LRPPRC: variants seen among roughly 807,000 people sequenced by gnomAD.
LRPPRC encodes leucine-rich PPR motif-containing protein, mitochondrial.
LRPPRC carries 120 observed loss-of-function variants against 180.3 expected under a neutral mutation model. That is an observed-to-expected ratio of 0.67 (90% CI 0.57 to 0.77). The LOEUF (loss-of-function observed/expected upper bound fraction) is 0.77, where lower values mean the gene tolerates loss of function less well. LRPPRC is among the 30% of genes least tolerant of loss of function. The pLI is 0.00. For synonymous variants in LRPPRC, 723 were observed against 600.0 expected (o/e 1.21, Z -3.00); for missense variants, 2,012 against 1,657.2 (o/e 1.21, Z -3.72).
chr2:43,915,232 TCACACACACA>T (rs375631611), intron 29 of LRPPRC, among the ~76,000 whole-genome samples: 1,349 of 51,398 alleles, frequency 0.026, 28 homozygotes, highest in Non-Finnish European at 0.036. Context: ...TCTCTCTCTC[TCACACACACA>T]CACACACACA....
At chr2:43,911,231 C>G (rs899093264) in intron 30 of LRPPRC, among the ~76,000 whole-genome samples, 2 of 151,580 alleles carry the variant, frequency 1.3e-5, no homozygotes, top group African/African-American at 4.8e-5. Context: ...AAAAACCCAA[C>G]AGTCCTAGTG....
At chr2:43,941,076 T>G (rs1034783436) in intron 23 of LRPPRC, among the ~76,000 whole-genome samples, 2 of 152,230 alleles carry the variant, frequency 1.3e-5, no homozygotes, top group African/African-American at 2.4e-5. Flanking sequence ...AACTTCTTTA[T>G]AATTTTCTAA....
chr2:43,899,758 C>T (rs1244184584), intron 32 of LRPPRC, 153 bp from the exon 33 acceptor site: 1 of 616,774 alleles, frequency 1.6e-6, no homozygotes, highest in Non-Finnish European at 2.9e-6. Flanking sequence ...CACTAGGCAA[C>T]TGAAACCCTG....
intron 3 of LRPPRC, among the ~76,000 whole-genome samples, chr2:43,977,587 G>A (rs1024157327): frequency 6.6e-6 from 1 of 152,118 alleles, no homozygotes; most frequent in Admixed American, 6.5e-5. Context: ...ATTTAAAAGT[G>A]ACTGTAAGAT....
chr2:43,927,954 G>C (rs1671949287), intron 25 of LRPPRC, among the ~76,000 whole-genome samples: 1 of 152,154 alleles, frequency 6.6e-6, no homozygotes, highest in Non-Finnish European at 1.5e-5. Context: ...CAAGTTGAAA[G>C]CAGAAATAGA....
In LRPPRC at chr2:43,948,483, T is replaced by C; in HGVS notation, c.1771A>G (p.Ser591Gly). The change falls in exon 17 of 38, where the codon AGC becomes GGC. Residue 591 changes from serine (S) to glycine (G), a missense_variant. By Grantham distance (56) the Ser-to-Gly change is moderately conservative. Transcript: ENST00000260665. ...GCCTGTACCTCTGAGTCACTCATGC[T>C]GTCAATCAAGTTATAAAGAAAATAG... Reference protein sequence around the residue: ...VGYFLYNLIDSMSDSEVQAKE... With the variant: ...VGYFLYNLIDGMSDSEVQAKE... The C allele has an allele frequency of 6.2e-7, 1 of 1,611,136 alleles. No homozygotes were observed. The highest frequency in any genetic ancestry group is 2.2e-5 in the East Asian group (1 of 44,858).
chr2:43,915,428 T>C (rs1446719533), intron 29 of LRPPRC, among the ~76,000 whole-genome samples: 1 of 152,146 alleles, frequency 6.6e-6, no homozygotes, highest in Non-Finnish European at 1.5e-5. Context: ...CTCACGCCTG[T>C]AATCCCAGCA....
At chr2:43,905,061 T>TC (rs759159721) in intron 31 of LRPPRC, among the ~76,000 whole-genome samples, 1 of 152,054 alleles carries the variant, frequency 6.6e-6, no homozygotes, top group Non-Finnish European at 1.5e-5. Flanking sequence ...ATCCCAATCC[T>TC]CCCCAAAGTC....
chr2:43,947,437 C>G (rs992365958), intron 19 of LRPPRC, 67 bp from the exon 20 acceptor site: 13 of 786,512 alleles, frequency 1.7e-5, no homozygotes, highest in Non-Finnish European at 2.7e-5. Context: ...TTTTGTCACT[C>G]TTCCCTTTAA....
chr2:43,891,374 T>C (rs1476542070), intron 36 of LRPPRC, among the ~76,000 whole-genome samples: 3 of 152,240 alleles, frequency 2.0e-5, no homozygotes, highest in Non-Finnish European at 2.9e-5. Flanking sequence ...TATTTACAAA[T>C]TGAAGGTTTA....
At chr2:43,963,994 C>T (rs1673458262) in intron 11 of LRPPRC, among the ~76,000 whole-genome samples, 1 of 152,150 alleles carries the variant, frequency 6.6e-6, no homozygotes, top group African/African-American at 2.4e-5. Flanking sequence ...ATTTCTGGCA[C>T]CCCAAACAGT....
chr2:43,981,309 T>TA (rs1305007002), intron 2 of LRPPRC, among the ~76,000 whole-genome samples: 3 of 149,486 alleles, frequency 2.0e-5, no homozygotes, highest in Non-Finnish European at 4.4e-5. Context: ...AACTTACTAC[T>TA]AAAAGTGACT....
At chr2:43,970,964 G>A (rs1673779172) in intron 11 of LRPPRC, among the ~76,000 whole-genome samples, 1 of 152,140 alleles carries the variant, frequency 6.6e-6, no homozygotes, top group Admixed American at 6.5e-5. Flanking sequence ...GCTGGGTGCA[G>A]TGACGCATGC....
intron 14 of LRPPRC, among the ~76,000 whole-genome samples, chr2:43,954,331 T>G (rs1357602116): frequency 1.3e-5 from 2 of 152,226 alleles, no homozygotes; most frequent in Non-Finnish European, 2.9e-5. Context: ...GAAATCCAAA[T>G]GGCCAATAAG....
intron 27 of LRPPRC, among the ~76,000 whole-genome samples, chr2:43,922,624 T>C (rs1050801322): frequency 6.6e-6 from 1 of 152,090 alleles, no homozygotes; most frequent in Admixed American, 6.5e-5. Context: ...CCAGGTGTGG[T>C]GGCGGGCGCC....
chr2:43,949,551 C>T (rs770173547), intron 16 of LRPPRC, 51 bp downstream of exon 16: 1 of 1,421,700 alleles, frequency 7.0e-7, no homozygotes, highest in Non-Finnish European at 9.9e-7. Context: ...CATCATTACA[C>T]AGAAAAATGG....
chr2:43,951,340 G>A (rs1385618416), intron 14 of LRPPRC, among the ~76,000 whole-genome samples: 1 of 152,162 alleles, frequency 6.6e-6, no homozygotes, highest in Non-Finnish European at 1.5e-5. Context: ...TAACTTGCCA[G>A]TAGCCTACCA....
At chr2:43,988,531 C>T (rs1485988960) in intron 1 of LRPPRC, among the ~76,000 whole-genome samples, 4 of 151,918 alleles carry the variant, frequency 2.6e-5, no homozygotes, top group East Asian at 1.9e-4. Flanking sequence ...AGCGAAACTC[C>T]GTCTAACAAG....
rs1306048280 is a variant in LRPPRC, at chr2:43,960,758, G to C, written c.1489-124C>G. 4.3e-6 allele frequency: 3 copies of C among 705,174 alleles called. No individual in the cohort carries two copies. In the Admixed American group the frequency reaches 6.2e-5, roughly 15 times the overall value. 43.7% of individuals were successfully genotyped at this position (705,174 alleles called of 1,614,324 possible). ...TCTGATTTTCTAGAAAAATAGATAA[G>C]CTCAGTAATTGAATTTTAGCAAAAA... On this transcript the variant is annotated intron_variant, in intron 12 of 37. Transcript: ENST00000260665.
Sources: allele counts gnomAD v4.1 joint callset (sites outside exome capture counted in the v4.1 genomes callset), GRCh38; gene constraint gnomAD v4.1.1; transcripts MANE v1.5; gene names NCBI Gene and HGNC (gene_info 2026-07-23, HGNC 2026-07-21).